The following CES4A variants were observed in gnomAD, a reference collection of about 807,000 sequenced individuals.
CES4A encodes carboxylesterase 6.
Under a neutral mutation model 65.4 loss-of-function variants are expected in CES4A, and 48 were observed. The ratio of observed to expected loss-of-function variants is 0.73; its 90% CI spans 0.58 to 0.93. The LOEUF (loss-of-function observed/expected upper bound fraction) is 0.93, where lower values mean the gene tolerates loss of function less well. CES4A is among the 40% of genes least tolerant of loss of function. The pLI is 0.00. For synonymous variants in CES4A, 247 were observed against 281.8 expected (o/e 0.88, Z 1.24); for missense variants, 685 against 728.5 (o/e 0.94, Z 0.69).
chr16:66,994,627 G>T (rs1253099877), intron 1 of CES4A, among the ~76,000 whole-genome samples: 4 of 151,566 alleles, frequency 2.6e-5, no homozygotes, highest in Non-Finnish European at 5.9e-5. Context: ...GGATCACGAG[G>T]TCAGGAGATA....
At chr16:66,994,913 A>G (rs1462427416) in intron 1 of CES4A, among the ~76,000 whole-genome samples, 19 of 151,720 alleles carry the variant, frequency 1.3e-4, no homozygotes, top group Non-Finnish European at 2.4e-4. Context: ...CTGGAGCAGG[A>G]GAATCACTTG....
chr16:66,988,632 C>T (rs1442042476), exon 1 of CES4A: 10 of 1,481,098 alleles, frequency 6.8e-6, no homozygotes, highest in Middle Eastern at 1.8e-4. Context: ...TACAATTCCT[C>T]CCGCCCCAGT....
exon 2 of CES4A, chr16:66,995,745 C>A: frequency 6.2e-7 from 1 of 1,614,258 alleles, no homozygotes; most frequent in Non-Finnish European, 8.5e-7. Context: ...TTCTCCAGAC[C>A]TCCTCTAGGT....
rs1965390653 is a variant in CES4A, at chr16:67,001,880, G to A, written c.690+419G>A. On this transcript the variant is annotated intron_variant, in intron 5 of 13. Transcript: ENST00000648724. This position sits in a 1 kb window ranked among gnomAD's most constrained non-coding sequence, Gnocchi z 4.1. The stretch of plus-strand genomic sequence containing the variant: ...GACTCCTGTGTGACTGCTGACCTGG[G>A]ATGTGCCTGGAATGTGGGTGTACTG... 6.6e-6 allele frequency among the ~76,000 whole-genome samples: 1 copy of A among 152,268 alleles called. No homozygotes were observed. Among genetic ancestry groups the A allele is most frequent in the South Asian group, 2.1e-4 (1 of 4,838 alleles).
intron 2 of CES4A, among the ~76,000 whole-genome samples, chr16:66,998,337 C>A (rs1418638986): frequency 6.6e-6 from 1 of 152,056 alleles, no homozygotes; most frequent in African/African-American, 2.4e-5. Context: ...CACCTGTAAT[C>A]CCAACACCTT....
At chr16:67,005,125 C>T (rs1965651536) in intron 10 of CES4A, 115 bp from the exon 11 acceptor site, 11 of 1,081,658 alleles carry the variant, frequency 1.0e-5, no homozygotes, top group African/African-American at 1.6e-5. Flanking sequence ...CTCCCTTTCT[C>T]CCCCTCCCAG....
chr16:66,995,785 G>A (rs373178908), exon 2 of CES4A: 42 of 1,613,982 alleles, frequency 2.6e-5, no homozygotes, highest in East Asian at 4.5e-5. Context: ...CAGAACCCCC[G>A]GAGCCCTGGA....
At chr16:66,988,665 C>A in exon 1 of CES4A, 1 of 1,532,092 alleles carries the variant, frequency 6.5e-7, no homozygotes, top group Non-Finnish European at 8.8e-7. Context: ...GGATTAAGAG[C>A]AGATAAAAGT....
chr16:66,993,842 C>T (rs539280493), intron 1 of CES4A, among the ~76,000 whole-genome samples: 80 of 152,072 alleles, frequency 5.3e-4, no homozygotes, highest in Non-Finnish European at 1.0e-3. Flanking sequence ...TGGCTCATGC[C>T]TGTAATCCCA....
At chr16:66,994,426 G>A (rs1964645074) in intron 1 of CES4A, among the ~76,000 whole-genome samples, 6 of 150,020 alleles carry the variant, frequency 4.0e-5, no homozygotes, top group Admixed American at 4.0e-4. Context: ...GTAGAGACGG[G>A]GTTTCACCAT....
chr16:67,001,575 C>T lies in CES4A; in HGVS notation c.690+114C>T. The T allele has an allele frequency of 1.6e-6, 2 of 1,266,354 alleles. No homozygotes were observed. Among genetic ancestry groups the T allele is most frequent in the South Asian group, 3.0e-5 (2 of 66,302 alleles). 78.4% of individuals were successfully genotyped at this position (1,266,354 alleles called of 1,614,324 possible). On this transcript the variant is annotated intron_variant, in intron 5 of 13. Coordinates refer to ENST00000648724, the Ensembl canonical transcript of CES4A. The surrounding 1 kb of genome is among the most constrained non-coding windows in gnomAD (Gnocchi z 4.1). ...TTTGCGTGTACAGGAACGTGCCTGCCACAGAAATGCTCTCGCCCCTGCCAA... is the reference window on the plus strand; with the variant it reads ...TTTGCGTGTACAGGAACGTGCCTGCTACAGAAATGCTCTCGCCCCTGCCAA...
chr16:66,995,973 C>G lies in CES4A; in HGVS notation c.260+144C>G, dbSNP rs187002887. On this transcript the variant is annotated intron_variant, in intron 2 of 13. Transcript: ENST00000648724. ...CCATTCTGGGCCTCAGTTTTCAGAC[C>G]CGTATCATGAGCAAACTGGTCCTGA... 22 of 754,710 alleles carry G rather than the reference C, an allele frequency of 2.9e-5. No homozygotes were observed. The African/African-American group carries it at 3.3e-4, about 11-fold the overall frequency. 46.8% of individuals were successfully genotyped at this position (754,710 alleles called of 1,614,324 possible).
rs1381553314 is a variant in CES4A at position 67,001,039 on chromosome 16, G to A, written c.536+49G>A. ...GACCGCAGCTGTGGCCAGAGCGGCG[G>A]GGACTGGGTGGGAAGGGAGGGGCGG... On this transcript the variant is annotated intron_variant, in intron 4 of 13. Transcript: ENST00000648724. This position sits in a 1 kb window ranked among gnomAD's most constrained non-coding sequence, Gnocchi z 4.1. The A allele has an allele frequency of 6.4e-7, 1 of 1,560,056 alleles. No homozygotes were observed. Among genetic ancestry groups the A allele is most frequent in the African/African-American group, 1.4e-5 (1 of 73,682 alleles).
In CES4A at chr16:66,997,573, A is replaced by G. The variant is rs1241598954; in HGVS notation, c.260+1744A>G. Among the ~76,000 whole-genome samples, 4 of 152,158 alleles carry G rather than the reference A, an allele frequency of 2.6e-5. No homozygotes were observed. The East Asian group carries it at 7.7e-4, about 29-fold the overall frequency. ...ATATAAGCCACAAGGAAAGAAGAGG[A>G]ATCACTGATAATGACTAGTTTTTGG... On this transcript the variant is annotated intron_variant, in intron 2 of 13. Coordinates refer to ENST00000648724, the Ensembl canonical transcript of CES4A.
intron 13 of CES4A, chr16:67,007,628 T>TA (rs1280364614): frequency 1.3e-5 from 2 of 151,806 alleles, no homozygotes; most frequent in African/African-American, 4.8e-5. Flanking sequence ...TTTTTTTTTT[T>TA]AAATTTTTTT....
intron 2 of CES4A, 89 bp downstream of exon 2, chr16:66,995,918 T>A: frequency 7.8e-7 from 1 of 1,279,422 alleles, no homozygotes; most frequent in Non-Finnish European, 1.1e-6. Context: ...TGAGAAGAAC[T>A]CACTGTGTGA....
intron 2 of CES4A, chr16:66,996,037 GT>G: frequency 1.5e-6 from 1 of 686,620 alleles, no homozygotes; most frequent in Non-Finnish European, 2.7e-6. Context: ...GTTGGTTTTT[GT>G]TTTTGTTTTT....
intron 1 of CES4A, 74 bp from the exon 2 acceptor site, chr16:66,995,554 T>G: frequency 7.6e-7 from 1 of 1,321,008 alleles, no homozygotes; most frequent in South Asian, 1.2e-5. Flanking sequence ...CATTTGTGGC[T>G]GAGTGGCTGA....
intron 1 of CES4A, 106 bp from the exon 2 acceptor site, chr16:66,995,522 C>G (rs1964769593): frequency 1.1e-6 from 1 of 943,198 alleles, no homozygotes; most frequent in Non-Finnish European, 1.7e-6. Flanking sequence ...CTTTTCCCCT[C>G]TCTTTCCAGG....
Sources: gnomAD v4.1 joint callset for allele counts (sites outside exome capture counted in the v4.1 genomes callset) on GRCh38, gnomAD v4.1.1 for gene constraint, Gnocchi (gnomAD v3.1) non-coding constraint, MANE v1.5 for transcripts, NCBI Gene and HGNC (gene_info 2026-07-23, HGNC 2026-07-21) for gene names.